Variants in GLG1 observed in about 807,000 individuals in gnomAD.
GLG1 encodes golgi glycoprotein 1.
Under a neutral mutation model 160.5 loss-of-function variants are expected in GLG1, and 38 were observed. The ratio of observed to expected loss-of-function variants is 0.24; its 90% confidence interval spans 0.18 to 0.31. The LOEUF (loss-of-function observed/expected upper bound fraction) is 0.31. Ranked by LOEUF, GLG1 falls within the 10% of genes least tolerant of loss-of-function variation. GLG1 has a pLI of 1.00. For synonymous variants in GLG1, 644 were observed against 543.4 expected (o/e 1.19, Z -2.57); for missense variants, 1,373 against 1,505.2 (o/e 0.91, Z 1.45).
chr16:74,515,067 A>G (rs1463461240), intron 2 of GLG1, among the ~76,000 whole-genome samples: 3 of 152,198 alleles, frequency 2.0e-5, no homozygotes, highest in Non-Finnish European at 2.9e-5. Flanking sequence ...ACATAATGGT[A>G]AAGGGATCAA....
At chr16:74,460,434 G>A (rs1597220725) in intron 22 of GLG1, among the ~76,000 whole-genome samples, 1 of 152,270 alleles carries the variant, frequency 6.6e-6, no homozygotes, top group Admixed American at 6.5e-5. Context: ...TGGGATTATA[G>A]GCATGAGCCA....
intron 1 of GLG1, among the ~76,000 whole-genome samples, chr16:74,558,277 T>C (rs919663112): frequency 2.0e-5 from 3 of 152,172 alleles, no homozygotes; most frequent in Non-Finnish European, 4.4e-5. Context: ...GTGAAATTAT[T>C]AGAGTATTTT....
intron 1 of GLG1, among the ~76,000 whole-genome samples, chr16:74,551,595 C>T (rs2018200461): frequency 2.6e-5 from 4 of 151,602 alleles, no homozygotes; most frequent in Admixed American, 2.0e-4. Flanking sequence ...TGGAATGAGC[C>T]ACCATGCCCA....
At chr16:74,595,068 G>C (rs1342187117) in intron 1 of GLG1, among the ~76,000 whole-genome samples, 7 of 151,726 alleles carry the variant, frequency 4.6e-5, no homozygotes, top group Non-Finnish European at 1.0e-4. Flanking sequence ...GACGCCTGTA[G>C]TCCCAGCTAC....
intron 11 of GLG1, among the ~76,000 whole-genome samples, chr16:74,478,013 T>TAAATAAAA (rs548461001): frequency 0.063 from 9,535 of 150,464 alleles, 388 homozygotes; most frequent in Non-Finnish European, 0.094. Context: ...AATAAATAAA[T>TAAATAAAA]AAAATGTGCA....
chr16:74,493,129 T>A lies in GLG1; in HGVS notation c.1062A>T (p.Ala354=), dbSNP rs145717391. 55 of 1,611,210 alleles carry A rather than the reference T, an allele frequency of 3.4e-5. No individual in the cohort carries two copies. In the African/African-American group the frequency reaches 6.4e-4, roughly 19 times the overall value. ...EESMSEKCRE[A]LTTRQKLIAQ... Reference sequence around the variant, plus strand: ...CAATCAGCTTTTGGCGGGTTGTAAGTGCTTCTCGACACTGAGGAAAGAGTA... The same window carrying A: ...CAATCAGCTTTTGGCGGGTTGTAAGAGCTTCTCGACACTGAGGAAAGAGTA... Residue 354 remains alanine (A), a synonymous_variant, in exon 7 of 26, where the codon GCA becomes GCT. Coordinates refer to ENST00000422840, the MANE Select transcript of GLG1 (RefSeq NM_001145667.2).
chr16:74,539,285 A>G (rs2017769249), intron 1 of GLG1, among the ~76,000 whole-genome samples: 1 of 151,508 alleles, frequency 6.6e-6, no homozygotes, highest in Non-Finnish European at 1.5e-5. Flanking sequence ...GTGGGATAAC[A>G]GTTGTCAAAT....
intron 1 of GLG1, among the ~76,000 whole-genome samples, chr16:74,577,437 G>C (rs1245323661): frequency 3.3e-5 from 5 of 149,480 alleles, no homozygotes; most frequent in Non-Finnish European, 5.9e-5. Context: ...CAGGAGAATC[G>C]CTTGAACTCA....
intron 2 of GLG1, among the ~76,000 whole-genome samples, chr16:74,529,809 GTTCTTTTTTTT>G (rs1220170582): frequency 1.9e-5 from 2 of 104,104 alleles, no homozygotes; most frequent in Non-Finnish European, 3.6e-5. Flanking sequence ...CTCTTTGAGA[GTTCTTTTTTTT>G]TTTTTTTTTT....
At chr16:74,576,648 A>C (rs1050963479) in intron 1 of GLG1, among the ~76,000 whole-genome samples, 3 of 152,216 alleles carry the variant, frequency 2.0e-5, no homozygotes. Flanking sequence ...CTGGTCTGAG[A>C]TATAAATGGG....
At chr16:74,519,706 T>A (rs1232668203) in intron 2 of GLG1, among the ~76,000 whole-genome samples, 2 of 152,158 alleles carry the variant, frequency 1.3e-5, no homozygotes, top group African/African-American at 4.8e-5. Flanking sequence ...AAATTCCCTG[T>A]CCAAAGCCCC....
chr16:74,564,790 T>C (rs11862508), intron 1 of GLG1, among the ~76,000 whole-genome samples: 24,429 of 152,242 alleles, frequency 0.16, 2,153 homozygotes, highest in Middle Eastern at 0.22. Flanking sequence ...TCATGCTAAA[T>C]GCAACATCAT....
chr16:74,459,916 T>C, intron 22 of GLG1, 127 bp from the exon 23 acceptor site: 1 of 535,748 alleles, frequency 1.9e-6, no homozygotes, highest in Non-Finnish European at 3.2e-6. Context: ...AGTGCAGTGG[T>C]GCGATCTCGG....
chr16:74,488,420 A>C (rs965005731), intron 8 of GLG1, among the ~76,000 whole-genome samples: 11 of 152,060 alleles, frequency 7.2e-5, no homozygotes, highest in Admixed American at 3.3e-4. Context: ...AAGCTCCCCC[A>C]AAATGAATTA....
Position 74,463,451 on chromosome 16 carries a change from G to A in GLG1, c.2696C>T (p.Thr899Ile). 1.2e-6 allele frequency: 2 copies of A among 1,613,734 alleles called. No individual in the cohort carries two copies. The highest frequency in any genetic ancestry group is 1.1e-5 in the South Asian group (1 of 91,068). ...KRFCPEADSK[T>I]MLQCLKQNKN... ...ATTTTGCTTCAAGCACTGCAACATG[G>A]TTTTAGAATCTGCTTCCGGACAGAA... The change falls in exon 20 of 26, where the codon ACC becomes ATC. Residue 899 changes from threonine (T) to isoleucine (I), a missense_variant. By Grantham distance (89) the Thr-to-Ile change is moderately conservative (BLOSUM62 -1). Around this residue, in one of 4 missense-constraint regions of GLG1, gnomAD observed 491 missense variants for 632.1 expected, o/e 0.78. Coordinates refer to ENST00000422840, the MANE Select transcript of GLG1 (RefSeq NM_001145667.2).
chr16:74,506,110 A>G (rs1238838514), intron 3 of GLG1, among the ~76,000 whole-genome samples: 1 of 146,798 alleles, frequency 6.8e-6, no homozygotes, highest in Non-Finnish European at 1.5e-5. Flanking sequence ...TTTGCCGAAC[A>G]AAACAGACTT....
chr16:74,472,564 A>C, intron 13 of GLG1, 153 bp from the exon 14 acceptor site: 1 of 1,493,846 alleles, frequency 6.7e-7, no homozygotes, highest in African/African-American at 1.4e-5. Context: ...AGATAGCCCC[A>C]GAATAAATAT....
chr16:74,454,666 C>CAAAAAAAAAAAAAA (rs58759187), intron 25 of GLG1, among the ~76,000 whole-genome samples: 1 of 38,532 alleles, frequency 2.6e-5, no homozygotes, highest in South Asian at 1.4e-3. Context: ...AATCCGTCCC[C>CAAAAAAAAAAAAAA]AAAAAAAAAA....
At chr16:74,578,855 A>G (rs1054824227) in intron 1 of GLG1, among the ~76,000 whole-genome samples, 5 of 152,236 alleles carry the variant, frequency 3.3e-5, no homozygotes, top group African/African-American at 1.2e-4. Flanking sequence ...GGTTTTTGAA[A>G]TAACTTTTTC....
Sources: allele counts gnomAD v4.1 joint callset (sites outside exome capture counted in the v4.1 genomes callset), GRCh38; gene constraint gnomAD v4.1.1; regional missense constraint gnomAD v4.1.1; transcripts MANE v1.5; gene names NCBI Gene and HGNC (gene_info 2026-07-23, HGNC 2026-07-21).